AFF3: variants seen among roughly 807,000 people sequenced by gnomAD.
The protein encoded by AFF3 is ALF transcription elongation factor 3, also known as AF4/FMR2 family member 3.
AFF3 carries 32 observed loss-of-function variants against 129.7 expected under a neutral mutation model. The observed-to-expected ratio is 0.25, with a 90% CI of 0.19 to 0.33. The LOEUF is 0.33. Among genes scored for constraint, AFF3 ranks in the 10% least tolerant of loss-of-function variants. The probability of loss-of-function intolerance (pLI) is 1.00; values close to 1 mark genes in which losing one functional copy is unlikely to be tolerated. For synonymous variants in AFF3, 644 were observed against 635.4 expected (o/e 1.01, Z -0.20); for missense variants, 1,373 against 1,592.0 (o/e 0.86, Z 2.34).
intron 12 of AFF3, among the ~76,000 whole-genome samples, chr2:99,666,932 T>C (rs530104575): frequency 6.6e-6 from 1 of 151,944 alleles, no homozygotes; most frequent in African/African-American, 2.4e-5. Flanking sequence ...AAAGAAGAAA[T>C]AAACAAATCC....
intron 7 of AFF3, among the ~76,000 whole-genome samples, chr2:99,956,300 A>C (rs1328415680): frequency 6.6e-6 from 1 of 152,190 alleles, no homozygotes; most frequent in African/African-American, 2.4e-5. Context: ...GGAAGACACT[A>C]TTAGCAAGCA....
Position 100,007,401 on chromosome 2 carries a change from T to C in AFF3, c.234A>G (p.Glu78=). 2 of 1,614,156 alleles carry C rather than the reference T, an allele frequency of 1.2e-6. No homozygotes were observed. The highest frequency in any genetic ancestry group is 1.7e-6 in the Non-Finnish European group (2 of 1,180,032). The change falls in exon 6 of 25, where the codon GAA becomes GAG. Residue 78 remains glutamate (E), a synonymous_variant. Coordinates refer to ENST00000672756, the MANE Select transcript of AFF3 (RefSeq NM_001386135.1). The part of the protein sequence containing the change: ...RIQNTLGNYD[E]MKDFLTDRSN... ...ATCTATCAGTTAAAAAGTCTTTCAT[T>C]TCATCATAATTGCCTAAAGTGTTCT... is the stretch of plus-strand genomic sequence containing the variant.
intron 11 of AFF3, among the ~76,000 whole-genome samples, chr2:99,718,477 A>G (rs1357041664): frequency 6.6e-6 from 1 of 152,236 alleles, no homozygotes; most frequent in Non-Finnish European, 1.5e-5. Flanking sequence ...ATGGAAACAC[A>G]ATAGATTTTT....
At chr2:99,569,220 C>G (rs1413897505) in intron 18 of AFF3, among the ~76,000 whole-genome samples, 7 of 151,864 alleles carry the variant, frequency 4.6e-5, no homozygotes, top group Non-Finnish European at 1.0e-4. Flanking sequence ...AAAAAAAAAG[C>G]GAGAAATCTT....
At chr2:100,075,768 T>C (rs1457593042) in intron 4 of AFF3, among the ~76,000 whole-genome samples, 1 of 152,232 alleles carries the variant, frequency 6.6e-6, no homozygotes, top group South Asian at 2.1e-4. Flanking sequence ...TCTCAAGTGA[T>C]GGCAAACACA....
intron 4 of AFF3, among the ~76,000 whole-genome samples, chr2:100,036,341 TA>T (rs1684906789): frequency 1.3e-5 from 2 of 152,026 alleles, no homozygotes; most frequent in African/African-American, 4.8e-5. Flanking sequence ...CCAACTTTTC[TA>T]AAACCTAACT....
At chr2:100,136,956 T>C (rs1692663550) in intron 1 of AFF3, among the ~76,000 whole-genome samples, 2 of 152,214 alleles carry the variant, frequency 1.3e-5, no homozygotes, top group South Asian at 4.1e-4. Context: ...TCTAGGTATT[T>C]AACTTTTGAT....
chr2:99,769,346 TTTAA>T (rs1683279543), intron 8 of AFF3, among the ~76,000 whole-genome samples: 1 of 152,184 alleles, frequency 6.6e-6, no homozygotes, highest in African/African-American at 2.4e-5. Context: ...CTTGATTCTG[TTTAA>T]TTATTTCAAT....
intron 10 of AFF3, among the ~76,000 whole-genome samples, chr2:99,730,172 T>G (rs770638230): frequency 6.6e-6 from 1 of 152,114 alleles, no homozygotes; most frequent in Non-Finnish European, 1.5e-5. Context: ...CAGAATTCCA[T>G]GCTGCAGTGG....
At chr2:99,635,003 A>ACACACACACC (rs59450082) in intron 13 of AFF3, among the ~76,000 whole-genome samples, 1 of 149,684 alleles carries the variant, frequency 6.7e-6, no homozygotes, top group Non-Finnish European at 1.5e-5. Flanking sequence ...ACACACACAC[A>ACACACACACC]TATGGTTGCT....
rs868009056 is a variant in AFF3, at chr2:99,653,469, T to C, written c.1144-3803A>G. On this transcript the variant is annotated intron_variant, in intron 12 of 24. Transcript: ENST00000672756. ...AAACAATTCCTGCTGACTTCTGTGATACGGAAACAGCGCTTGCTGATGTGC... is the reference window on the plus strand; with the variant it reads ...AAACAATTCCTGCTGACTTCTGTGACACGGAAACAGCGCTTGCTGATGTGC... Among the ~76,000 whole-genome samples the C allele has an allele frequency of 5.4e-4, 82 of 152,386 alleles. No individual in the cohort carries two copies. The Middle Eastern group carries it at 0.01, about 19-fold the overall frequency.
chr2:100,036,853 G>T (rs1573207429), intron 4 of AFF3, among the ~76,000 whole-genome samples: 1 of 148,268 alleles, frequency 6.7e-6, no homozygotes, highest in African/African-American at 2.5e-5. Context: ...AAAAAGAAAA[G>T]AAAAAAACAA....
At chr2:99,571,863 T>C (rs1333463366) in intron 18 of AFF3, among the ~76,000 whole-genome samples, 1 of 152,168 alleles carries the variant, frequency 6.6e-6, no homozygotes, top group Non-Finnish European at 1.5e-5. Flanking sequence ...CTGACAGCAA[T>C]ACACAAGTCA....
chr2:99,707,029 G>T (rs1677463020), intron 11 of AFF3: 2 of 893,816 alleles, frequency 2.2e-6, no homozygotes, highest in Non-Finnish European at 2.7e-6. Context: ...AGCCTCAAAG[G>T]CCATATTCCC....
Position 99,920,538 on chromosome 2 carries a change from G to C in AFF3, c.874-83014C>G, listed in dbSNP as rs143074072. On this transcript the variant is annotated intron_variant, in intron 7 of 24. Transcript: ENST00000672756. ...TATCCTAAAAACTTTCAGCAAACAA[G>C]GAATAGCATTTTCTTAGCCTTTAAT... Among the ~76,000 whole-genome samples, 1,077 of 151,982 alleles carry C rather than the reference G, an allele frequency of 7.1e-3. 6 individuals carry two copies. The highest frequency in any genetic ancestry group is 0.011 in the Non-Finnish European group (736 of 67,864).
At chr2:99,829,288 G>C (rs1445153390) in intron 8 of AFF3, among the ~76,000 whole-genome samples, 1 of 152,136 alleles carries the variant, frequency 6.6e-6, no homozygotes, top group Non-Finnish European at 1.5e-5. Flanking sequence ...TGACAAATGG[G>C]ATCTAATTAA....
intron 12 of AFF3, among the ~76,000 whole-genome samples, chr2:99,659,278 T>G (rs1161331410): frequency 6.6e-6 from 1 of 152,218 alleles, no homozygotes; most frequent in Non-Finnish European, 1.5e-5. Flanking sequence ...GCAAGGCAAC[T>G]GTGCCTTCTG....
intron 12 of AFF3, among the ~76,000 whole-genome samples, chr2:99,672,203 C>T (rs868417031): frequency 0.014 from 1,976 of 136,524 alleles, 65 homozygotes; most frequent in African/African-American, 0.05. Context: ...CACACACACA[C>T]ACACACACAC....
intron 10 of AFF3, among the ~76,000 whole-genome samples, chr2:99,732,620 T>G (rs1273057733): frequency 6.6e-6 from 1 of 152,218 alleles, no homozygotes; most frequent in African/African-American, 2.4e-5. Context: ...ATTGTATAAA[T>G]ATACCAGTTT....
Sources: allele counts gnomAD v4.1 joint callset (sites outside exome capture counted in the v4.1 genomes callset), GRCh38; gene constraint gnomAD v4.1.1; transcripts MANE v1.5; gene names NCBI Gene and HGNC (gene_info 2026-07-23, HGNC 2026-07-21).